REDIC1: variants seen among roughly 807,000 people sequenced by gnomAD.
REDIC1 encodes HEI10 Interacting Protein 1.
chr12:39,708,062 T>C, the REDIC1 span, among the ~76,000 whole-genome samples: 3 of 151,650 alleles, frequency 2.0e-5, no homozygotes, highest in Non-Finnish European at 4.4e-5. Context: ...ATACAAAAAA[T>C]TCAATTAGAA....
chr12:39,780,167 A>G, the REDIC1 span, among the ~76,000 whole-genome samples: 3 of 152,206 alleles, frequency 2.0e-5, no homozygotes, highest in African/African-American at 4.8e-5. Context: ...TCTGATGACA[A>G]TTCAAAGCAA....
At chr12:39,798,503 AG>A in the REDIC1 span, among the ~76,000 whole-genome samples, 1 of 152,386 alleles carries the variant, frequency 6.6e-6, no homozygotes, top group East Asian at 1.9e-4. Context: ...TAGATCCCCA[AG>A]TAACTATTAA....
chr12:39,874,059 C>T, the REDIC1 span, among the ~76,000 whole-genome samples: 2 of 152,264 alleles, frequency 1.3e-5, no homozygotes, highest in African/African-American at 4.8e-5. Flanking sequence ...AATGGAAAGA[C>T]AATATTTTAA....
At chr12:39,693,112 T>C in the REDIC1 span, among the ~76,000 whole-genome samples, 1 of 152,132 alleles carries the variant, frequency 6.6e-6, no homozygotes, top group East Asian at 1.9e-4. Flanking sequence ...ATGGAATGTG[T>C]CTTTAATATG....
At chr12:39,831,368 A>C in the REDIC1 span, among the ~76,000 whole-genome samples, 1 of 152,176 alleles carries the variant, frequency 6.6e-6, no homozygotes, top group Non-Finnish European at 1.5e-5. Context: ...TTGTCATTAA[A>C]GATCAGTCAG....
At chr12:39,712,986 TGTATATACGTGTATATGTATATATACATG>T in the REDIC1 span, among the ~76,000 whole-genome samples, 1 of 20,858 alleles carries the variant, frequency 4.8e-5, no homozygotes, top group South Asian at 1.5e-3. Context: ...TATATACATG[TGTATATACGTGTATATGTATATATACATG>T]TGTATATACG....
chr12:39,885,232 T>C, the REDIC1 span, among the ~76,000 whole-genome samples: 64 of 152,106 alleles, frequency 4.2e-4, no homozygotes, highest in Non-Finnish European at 7.8e-4. Context: ...TACCCAAAGA[T>C]TGAGGAAAAC....
At chr12:39,674,366 A>G in the REDIC1 span, among the ~76,000 whole-genome samples, 1 of 152,196 alleles carries the variant, frequency 6.6e-6, no homozygotes, top group South Asian at 2.1e-4. Context: ...TTTAAAAATC[A>G]TGATTTTGGA....
At chr12:39,780,381 G>A in the REDIC1 span, among the ~76,000 whole-genome samples, 13 of 152,154 alleles carry the variant, frequency 8.5e-5, no homozygotes, top group Admixed American at 8.5e-4. Context: ...AAAAAGAGAT[G>A]AAATGAAAAC....
the REDIC1 span, among the ~76,000 whole-genome samples, chr12:39,764,127 G>GTT: frequency 3.0e-4 from 46 of 151,236 alleles, no homozygotes; most frequent in African/African-American, 9.2e-4. Flanking sequence ...ACCATTTTCT[G>GTT]TTTTTTTTTT....
chr12:39,796,057 C>T, the REDIC1 span, among the ~76,000 whole-genome samples: 38 of 152,142 alleles, frequency 2.5e-4, no homozygotes, highest in African/African-American at 8.4e-4. Flanking sequence ...TCCCCCCAGC[C>T]TCTGGCAACT....
chr12:39,803,981 C>A, the REDIC1 span, among the ~76,000 whole-genome samples: 1 of 150,866 alleles, frequency 6.6e-6, no homozygotes, highest in East Asian at 1.9e-4. Flanking sequence ...TCAAAGCATC[C>A]AAAGAAAAGA....
At chr12:39,772,340 C>T in the REDIC1 span, among the ~76,000 whole-genome samples, 1 of 152,090 alleles carries the variant, frequency 6.6e-6, no homozygotes, top group Non-Finnish European at 1.5e-5. Flanking sequence ...AAAGATTAAA[C>T]AAGGTGATAA....
chr12:39,711,855 G>GCA, the REDIC1 span, among the ~76,000 whole-genome samples: 1 of 75,888 alleles, frequency 1.3e-5, no homozygotes, highest in Non-Finnish European at 2.7e-5. Context: ...ACATGCATGT[G>GCA]TATGTGTATA....
At chr12:39,845,626 G>T in the REDIC1 span, among the ~76,000 whole-genome samples, 29 of 152,226 alleles carry the variant, frequency 1.9e-4, no homozygotes, top group African/African-American at 6.5e-4. Context: ...ATGACATTTG[G>T]TTGGAAGTTG....
the REDIC1 span, among the ~76,000 whole-genome samples, chr12:39,716,222 C>T: frequency 3.9e-5 from 6 of 151,948 alleles, no homozygotes; most frequent in African/African-American, 1.4e-4. Context: ...AGTAGGGATT[C>T]ATGACCTACA....
At chr12:39,706,204 C>A in the REDIC1 span, among the ~76,000 whole-genome samples, 3 of 151,860 alleles carry the variant, frequency 2.0e-5, no homozygotes, top group Non-Finnish European at 2.9e-5. Flanking sequence ...TAAAGTAGTT[C>A]CATTTACAGT....
At chr12:39,758,552 A>T in the REDIC1 span, 1 of 151,990 alleles carries the variant, frequency 6.6e-6, no homozygotes, top group African/African-American at 2.4e-5. Flanking sequence ...GTGATCAAGT[A>T]ATTTTGTACA....
chr12:39,732,148 G>A, the REDIC1 span, among the ~76,000 whole-genome samples: 2 of 152,252 alleles, frequency 1.3e-5, no homozygotes, highest in African/African-American at 4.8e-5. Flanking sequence ...GCTCCTTAAA[G>A]AAATCTGATA....
Sources: allele counts gnomAD v4.1 joint callset (sites outside exome capture counted in the v4.1 genomes callset), GRCh38; gene constraint gnomAD v4.1.1; transcripts MANE v1.5; gene names NCBI Gene and HGNC (gene_info 2026-07-23, HGNC 2026-07-21).